IVD: variants seen among roughly 807,000 people sequenced by gnomAD.
The protein encoded by IVD is isovaleryl-CoA dehydrogenase, mitochondrial.
Under a neutral mutation model 51.3 loss-of-function variants are expected in IVD, and 31 were observed. The ratio of observed to expected loss-of-function variants is 0.60; its 90% CI spans 0.45 to 0.81. The LOEUF is 0.81. Among genes scored for constraint, IVD ranks in the 40% least tolerant of loss-of-function variants. IVD has a pLI of 0.00. For missense variants in IVD, 475 were observed against 552.0 expected (o/e 0.86, Z 1.40); for synonymous variants, 205 against 219.4 (o/e 0.93, Z 0.58).
chr15:40,427,343 T>C (rs1204040397), downstream of IVD, among the ~76,000 whole-genome samples: 1 of 152,200 alleles, frequency 6.6e-6, no homozygotes, highest in Non-Finnish European at 1.5e-5. Context: ...GCACACACTT[T>C]CAGAGAGGCT....
Position 40,408,959 on chromosome 15 carries a change from A to G in IVD, c.286+969A>G, listed in dbSNP as rs545918055. Among the ~76,000 whole-genome samples, 8 of 152,242 alleles carry G rather than the reference A, an allele frequency of 5.3e-5. No individual in the cohort carries two copies. In the South Asian group the frequency reaches 1.7e-3, roughly 32 times the overall value. On this transcript the variant is annotated intron_variant, in intron 3 of 11. Transcript: ENST00000487418. ...AGCGAAACTCCGTTTCAAAAAAAAA[A>G]GCCCAGCCTGCTTGGGCCTGTATTC... is the stretch of plus-strand genomic sequence containing the variant.
intron 7 of IVD, among the ~76,000 whole-genome samples, chr15:40,430,852 C>T (rs1362565001): frequency 6.6e-6 from 1 of 152,150 alleles, no homozygotes; most frequent in African/African-American, 2.4e-5. Flanking sequence ...GTGCAGAAGG[C>T]AGGGAAAGGG....
In IVD at chr15:40,420,815, T is replaced by C; in HGVS notation, c.*2552T>C. On this transcript the variant is annotated 3_prime_UTR_variant, in exon 12 of 12. Transcript: ENST00000487418. ...TGGGGGTGTTCTGAGAATTCCAGCTTTGGGCCGCACTGTACAGCAGTCTGG... is the reference window on the plus strand; with the variant it reads ...TGGGGGTGTTCTGAGAATTCCAGCTCTGGGCCGCACTGTACAGCAGTCTGG... 2 of 985,546 alleles carry C rather than the reference T, an allele frequency of 2.0e-6. No individual in the cohort carries two copies. The highest frequency in any genetic ancestry group is 1.2e-6 in the Non-Finnish European group (1 of 830,026). The allele number at this position is 985,546 out of a possible 1,614,324, so 61.1% of individuals were successfully genotyped here.
rs1892260978 is a variant in IVD, at chr15:40,421,115, G to T, written c.*2852G>T. 2.0e-6 allele frequency: 2 copies of T among 985,478 alleles called. No homozygotes were observed. The highest frequency in any genetic ancestry group is 2.4e-6 in the Non-Finnish European group (2 of 829,954). The allele number at this position is 985,478 out of a possible 1,614,324, so 61.0% of individuals were successfully genotyped here. Reference sequence around the variant, plus strand: ...TCTTGCTCCCTGCTATGTTGGAGATGAATGTGACTAAAAGGGCCATCTTGC... The same window carrying T: ...TCTTGCTCCCTGCTATGTTGGAGATTAATGTGACTAAAAGGGCCATCTTGC... On this transcript the variant is annotated 3_prime_UTR_variant, in exon 12 of 12. Coordinates refer to ENST00000487418, the MANE Select transcript of IVD (RefSeq NM_002225.5).
At chr15:40,422,445 G>A (rs958600461), downstream of IVD, among the ~76,000 whole-genome samples, 46 of 151,570 alleles carry the variant, frequency 3.0e-4, no homozygotes, top group Admixed American at 2.6e-3. Flanking sequence ...CACCATGCCC[G>A]GCTAATTTTT....
chr15:40,416,235 G>A, intron 10 of IVD, 53 bp downstream of exon 10: 1 of 1,612,024 alleles, frequency 6.2e-7, no homozygotes, highest in Non-Finnish European at 8.5e-7. Flanking sequence ...CAGCTGCTGA[G>A]ACTTGCTGTC....
Position 40,420,435 on chromosome 15 carries a change from A to G in IVD, c.*2172A>G. On this transcript the variant is annotated 3_prime_UTR_variant, in exon 12 of 12. Transcript: ENST00000487418. Reference sequence around the variant, plus strand: ...GCTGCTGCCATTTTGTATTAAATATATTGTGAAACAAACCTATCTGGGGAG... The same window carrying G: ...GCTGCTGCCATTTTGTATTAAATATGTTGTGAAACAAACCTATCTGGGGAG... 1 of 987,642 alleles carries G rather than the reference A, an allele frequency of 1.0e-6. No homozygotes were observed. The highest frequency in any genetic ancestry group is 1.2e-6 in the Non-Finnish European group (1 of 830,112). The allele number at this position is 987,642 out of a possible 1,614,324, so 61.2% of individuals were successfully genotyped here.
chr15:40,431,022 A>G (rs985394210), intron 7 of IVD, among the ~76,000 whole-genome samples: 2 of 152,256 alleles, frequency 1.3e-5, no homozygotes, highest in African/African-American at 2.4e-5. Context: ...TTTGGAAAAC[A>G]TAAGAGTAGA....
downstream of IVD, among the ~76,000 whole-genome samples, chr15:40,427,160 G>A (rs1343581325): frequency 6.6e-6 from 1 of 152,214 alleles, no homozygotes; most frequent in African/African-American, 2.4e-5. Context: ...GAAGTACAGA[G>A]GGCTGCCCTT....
chr15:40,424,977 C>A (rs964442413), downstream of IVD, among the ~76,000 whole-genome samples: 1 of 152,164 alleles, frequency 6.6e-6, no homozygotes, highest in Admixed American at 6.5e-5. Flanking sequence ...TTTCTCCAGG[C>A]CTTCCCACCC....
downstream of IVD, among the ~76,000 whole-genome samples, chr15:40,422,950 C>A (rs1337533866): frequency 5.9e-5 from 9 of 151,498 alleles, no homozygotes; most frequent in Admixed American, 5.9e-4. Context: ...GAGACAGGAT[C>A]TCACTCTGTC....
At chr15:40,410,977 G>A (rs897872848) in intron 4 of IVD, among the ~76,000 whole-genome samples, 180 bp downstream of exon 4, 1 of 152,200 alleles carries the variant, frequency 6.6e-6, no homozygotes, top group African/African-American at 2.4e-5. Flanking sequence ...AATAAAAATA[G>A]GACCAGAACT....
In IVD at chr15:40,418,707, GC is replaced by G. The variant is rs1474014872; in HGVS notation, c.*448del. On this transcript the variant is annotated 3_prime_UTR_variant, in exon 12 of 12. Transcript: ENST00000487418. Reference sequence around the variant, plus strand: ...TCTGCTCAAGCACAGCAGAATCATGGCCCCTCTCCATGAATTGGAACTTGGT... The same window carrying G: ...TCTGCTCAAGCACAGCAGAATCATGGCCCTCTCCATGAATTGGAACTTGGT... 9.0e-7 allele frequency: 1 copy of G among 1,111,052 alleles called. No homozygotes were observed. Among genetic ancestry groups the G allele is most frequent in the African/African-American group, 1.6e-5 (1 of 60,938 alleles). The allele number at this position is 1,111,052 out of a possible 1,614,324, so 68.8% of individuals were successfully genotyped here. A position where few individuals can be genotyped will look rare whatever the true frequency, so the allele number is the denominator to read the frequency against.
At chr15:40,412,847 G>T in intron 6 of IVD, 144 bp from the exon 7 acceptor site, 1 of 687,218 alleles carries the variant, frequency 1.5e-6, no homozygotes, top group Middle Eastern at 3.6e-4. Context: ...GGTCCCGGGG[G>T]GAGCATGGGA....
At chr15:40,415,175 T>A in intron 8 of IVD, 193 bp downstream of exon 8, 2 of 773,432 alleles carry the variant, frequency 2.6e-6, no homozygotes, top group East Asian at 2.7e-5. Context: ...TATCATTAAG[T>A]AACAGACAAA....
At chr15:40,415,981 TC>T in intron 9 of IVD, 96 bp from the exon 10 acceptor site, 1 of 1,039,500 alleles carries the variant, frequency 9.6e-7, no homozygotes. Flanking sequence ...TGCCCCTGCT[TC>T]CTCATCCTTG....
rs1176895965 is a variant in IVD at position 40,419,420 on chromosome 15, A to G, written c.*1157A>G. On this transcript the variant is annotated 3_prime_UTR_variant, in exon 12 of 12. Coordinates refer to ENST00000487418, the MANE Select transcript of IVD (RefSeq NM_002225.5). ...CAGCTACTCAGGAGGCTGAGGCAGGAGAATCACTTGAACCCGGGAGGTGGA... is the reference window on the plus strand; with the variant it reads ...CAGCTACTCAGGAGGCTGAGGCAGGGGAATCACTTGAACCCGGGAGGTGGA... The G allele has an allele frequency of 2.8e-6, 1 of 353,526 alleles. No homozygotes were observed. The highest frequency in any genetic ancestry group is 3.8e-5 in the Admixed American group (1 of 26,524). The allele number at this position is 353,526 out of a possible 1,614,324, so 21.9% of individuals were successfully genotyped here.
At chr15:40,430,608 G>A (rs879542817) in intron 7 of IVD, among the ~76,000 whole-genome samples, 1 of 152,146 alleles carries the variant, frequency 6.6e-6, no homozygotes, top group Admixed American at 6.5e-5. Context: ...GAGGAGATTC[G>A]AGGCTGGAGA....
At chr15:40,411,793 C>A in intron 6 of IVD, 102 bp downstream of exon 6, 1 of 1,394,290 alleles carries the variant, frequency 7.2e-7, no homozygotes, top group Non-Finnish European at 1.0e-6. Context: ...GTTGTGTGCT[C>A]TGCAAGGCCC....
Sources: allele counts gnomAD v4.1 joint callset (sites outside exome capture counted in the v4.1 genomes callset), GRCh38; gene constraint gnomAD v4.1.1; transcripts MANE v1.5; gene names NCBI Gene and HGNC (gene_info 2026-07-23, HGNC 2026-07-21).